The following MTRF1 variants were observed in gnomAD, a reference collection of about 807,000 sequenced individuals.
The protein encoded by MTRF1 is mitochondrial translation release factor 1, also known as peptide chain release factor 1, mitochondrial.
MTRF1 carries 51 observed loss-of-function variants against 62.9 expected under a neutral mutation model. That is an observed-to-expected ratio of 0.81 (90% confidence interval 0.65 to 1.02). The LOEUF (loss-of-function observed/expected upper bound fraction) is 1.02, where lower values mean the gene tolerates loss of function less well. MTRF1 is among the 50% of genes least tolerant of loss of function. MTRF1 has a pLI of 0.00. For synonymous variants in MTRF1, 158 were observed against 181.9 expected (o/e 0.87, Z 1.06); for missense variants, 446 against 530.0 (o/e 0.84, Z 1.56).
the MTRF1 span, among the ~76,000 whole-genome samples, chr13:41,304,631 TG>T: frequency 6.6e-6 from 1 of 152,150 alleles, no homozygotes; most frequent in Non-Finnish European, 1.5e-5. Context: ...AGGGAGGGAT[TG>T]TTTTTATATA....
At chr13:41,287,003 GA>G in the MTRF1 span, among the ~76,000 whole-genome samples, 3 of 152,172 alleles carry the variant, frequency 2.0e-5, no homozygotes, top group Non-Finnish European at 4.4e-5. Flanking sequence ...TTTTCCCAAA[GA>G]CAAAGGTCTT....
chr13:41,273,850 A>G, the MTRF1 span, among the ~76,000 whole-genome samples: 1 of 151,924 alleles, frequency 6.6e-6, no homozygotes, highest in Non-Finnish European at 1.5e-5. Flanking sequence ...CAACAACAAA[A>G]AAAATGTAAG....
the MTRF1 span, among the ~76,000 whole-genome samples, chr13:41,272,504 A>G: frequency 6.6e-6 from 1 of 152,164 alleles, no homozygotes; most frequent in Non-Finnish European, 1.5e-5. Flanking sequence ...CTCAGATTAG[A>G]CCAACTGAGG....
At chr13:41,293,206 T>C in the MTRF1 span, among the ~76,000 whole-genome samples, 1 of 152,160 alleles carries the variant, frequency 6.6e-6, no homozygotes, top group Non-Finnish European at 1.5e-5. Context: ...ACATGTATTA[T>C]ATGCTGTGTC....
intron 5 of MTRF1, among the ~76,000 whole-genome samples, chr13:41,243,336 T>C (rs543294910): frequency 2.1e-4 from 31 of 150,510 alleles, no homozygotes; most frequent in South Asian, 2.1e-4. Flanking sequence ...TTGAGCCCAG[T>C]TGAGGCTGCA....
chr13:41,277,389 C>A, the MTRF1 span, among the ~76,000 whole-genome samples: 83 of 152,238 alleles, frequency 5.5e-4, 2 homozygotes, highest in South Asian at 0.017. Context: ...ACCTGAGCCT[C>A]CAAAAGTGCT....
intron 5 of MTRF1, among the ~76,000 whole-genome samples, chr13:41,244,279 A>C (rs1372360911): frequency 6.6e-6 from 1 of 152,228 alleles, no homozygotes; most frequent in Non-Finnish European, 1.5e-5. Context: ...GAAAAGTCTG[A>C]AGGAAATCTA....
intron 5 of MTRF1, among the ~76,000 whole-genome samples, chr13:41,245,852 C>T (rs2038175733): frequency 6.6e-6 from 1 of 152,140 alleles, no homozygotes; most frequent in Non-Finnish European, 1.5e-5. Context: ...TGGCTGTTCT[C>T]CCTGGCTTTG....
intron 5 of MTRF1, among the ~76,000 whole-genome samples, chr13:41,244,492 C>T (rs1593874431): frequency 6.6e-6 from 1 of 152,160 alleles, no homozygotes; most frequent in African/African-American, 2.4e-5. Context: ...GTATTTGTCA[C>T]AGGCAGCCTC....
chr13:41,252,791 T>A, intron 4 of MTRF1, 39 bp from the exon 5 acceptor site: 2 of 1,573,228 alleles, frequency 1.3e-6, no homozygotes, highest in Non-Finnish European at 1.7e-6. Flanking sequence ...CAGGACAAAT[T>A]TCGGAAAGCC....
chr13:41,257,259 T>C (rs1277062102), intron 2 of MTRF1, among the ~76,000 whole-genome samples: 2 of 152,188 alleles, frequency 1.3e-5, no homozygotes, highest in Non-Finnish European at 1.5e-5. Flanking sequence ...TCTCTACTTA[T>C]AGACAATGGG....
At chr13:41,301,041 A>G in the MTRF1 span, among the ~76,000 whole-genome samples, 1 of 152,208 alleles carries the variant, frequency 6.6e-6, no homozygotes, top group African/African-American at 2.4e-5. Context: ...GTTTTCATAA[A>G]GATTAAATAA....
At chr13:41,277,018 C>A in the MTRF1 span, among the ~76,000 whole-genome samples, 1 of 152,108 alleles carries the variant, frequency 6.6e-6, no homozygotes. Flanking sequence ...CACCCCCATC[C>A]CTTCCCTCTA....
At chr13:41,311,495 C>T in the MTRF1 span, 7 of 1,573,980 alleles carry the variant, frequency 4.4e-6, no homozygotes, top group Non-Finnish European at 5.2e-6. Context: ...CACCTAGCCT[C>T]CCTGCCGGCC....
chr13:41,223,108 A>G, intron 9 of MTRF1, 148 bp downstream of exon 9: 1 of 540,332 alleles, frequency 1.9e-6, no homozygotes, highest in East Asian at 3.1e-5. Flanking sequence ...AACTAATAAA[A>G]GTGTTTGTAA....
At chr13:41,235,661 A>C (rs757967758) in intron 6 of MTRF1, 1 of 152,656 alleles carries the variant, frequency 6.6e-6, no homozygotes, top group East Asian at 1.9e-4. Context: ...AGCAACCAGA[A>C]GCTGGAAGAT....
At chr13:41,224,400 A>G (rs2033978208) in intron 8 of MTRF1, among the ~76,000 whole-genome samples, 2 of 152,238 alleles carry the variant, frequency 1.3e-5, no homozygotes, top group South Asian at 4.1e-4. Context: ...TTAAAATAAG[A>G]TATTTCTATA....
the MTRF1 span, among the ~76,000 whole-genome samples, chr13:41,271,432 C>G: frequency 6.6e-6 from 1 of 152,112 alleles, no homozygotes; most frequent in African/African-American, 2.4e-5. Flanking sequence ...TTGTTTCCCA[C>G]TTTTTTTCTT....
the MTRF1 span, among the ~76,000 whole-genome samples, chr13:41,271,831 G>A: frequency 3.9e-5 from 6 of 152,006 alleles, no homozygotes; most frequent in East Asian, 3.9e-4. Flanking sequence ...GAAAACAACC[G>A]TTCATTTCCT....
Sources: gnomAD v4.1 joint callset for allele counts (sites outside exome capture counted in the v4.1 genomes callset) on GRCh38, gnomAD v4.1.1 for gene constraint, MANE v1.5 for transcripts, NCBI Gene and HGNC (gene_info 2026-07-23, HGNC 2026-07-21) for gene names.